DNAH17: variants seen among roughly 807,000 people sequenced by gnomAD.
DNAH17 encodes dynein axonemal heavy chain 17, also known as axonemal beta dynein heavy chain 17.
Under a neutral mutation model 485.6 loss-of-function variants are expected in DNAH17, and 376 were observed. The ratio of observed to expected loss-of-function variants is 0.77; its 90% CI spans 0.71 to 0.84. DNAH17 has a LOEUF of 0.84. Among genes scored for constraint, DNAH17 ranks in the 40% least tolerant of loss-of-function variants. The pLI, the probability that DNAH17 is intolerant of heterozygous loss-of-function variation, is 0.00. For synonymous variants in DNAH17, 3,031 were observed against 2,405.9 expected (o/e 1.26, Z -7.60); for missense variants, 6,370 against 5,839.3 (o/e 1.09, Z -2.96).
chr17:78,543,328 A>G (rs12103927), intron 17 of DNAH17, among the ~76,000 whole-genome samples: 112,739 of 147,950 alleles, frequency 0.76, 43,048 homozygotes, highest in African/African-American at 0.78. Context: ...CTGTCGCCCA[A>G]GCCGGACTGC....
intron 36 of DNAH17, chr17:78,500,066 C>A: frequency 2.1e-6 from 1 of 485,200 alleles, no homozygotes; most frequent in Non-Finnish European, 3.6e-6. Flanking sequence ...GGGTCACCTC[C>A]AGGGCAGGGG....
chr17:78,490,915 G>A, intron 43 of DNAH17, 68 bp from the exon 44 acceptor site: 2 of 1,486,458 alleles, frequency 1.3e-6, no homozygotes. Flanking sequence ...GTTCTGGGGT[G>A]GGGGTTACTC....
intron 44 of DNAH17, among the ~76,000 whole-genome samples, chr17:78,488,542 G>C (rs750485202): frequency 1.3e-5 from 2 of 152,210 alleles, no homozygotes; most frequent in Non-Finnish European, 2.9e-5. Context: ...TCCTGTCCCC[G>C]TGTCTCAGCA....
At chr17:78,569,097 G>A (rs747752191) in intron 9 of DNAH17, 69 bp downstream of exon 9, 15 of 1,227,998 alleles carry the variant, frequency 1.2e-5, no homozygotes, top group Middle Eastern at 1.9e-4. Flanking sequence ...AGGGATGGAC[G>A]CTGCAGGTGT....
chr17:78,478,993 G>A (rs1164210442), intron 51 of DNAH17, 32 bp downstream of exon 51: 2 of 1,594,230 alleles, frequency 1.3e-6, no homozygotes, highest in Non-Finnish European at 1.7e-6. Context: ...GGACCGTAAG[G>A]CAGGCATGAC....
intron 71 of DNAH17, among the ~76,000 whole-genome samples, chr17:78,442,556 A>C (rs1306708128): frequency 6.6e-6 from 1 of 152,216 alleles, no homozygotes; most frequent in African/African-American, 2.4e-5. Flanking sequence ...ATGACTCTAG[A>C]TCACCTTTGC....
At chr17:78,573,368 G>T (rs1367322203) in intron 2 of DNAH17, among the ~76,000 whole-genome samples, 1 of 152,102 alleles carries the variant, frequency 6.6e-6, no homozygotes, top group Non-Finnish European at 1.5e-5. Context: ...GGAGGCCGAG[G>T]CAGGTACATC....
At chr17:78,536,122 G>A (rs555030835) in intron 19 of DNAH17, among the ~76,000 whole-genome samples, 106 of 152,074 alleles carry the variant, frequency 7.0e-4, no homozygotes, top group Non-Finnish European at 1.2e-3. Flanking sequence ...AATTGCCTGA[G>A]TACTGGGAGA....
chr17:78,571,288 CGTT>C lies in DNAH17; in HGVS notation c.820_822del (p.Asn274del). 6.2e-7 allele frequency: 1 copy of C among 1,613,034 alleles called. No individual in the cohort carries two copies. Among genetic ancestry groups the C allele is most frequent in the Non-Finnish European group, 8.5e-7 (1 of 1,179,308 alleles). The stretch of plus-strand genomic sequence containing the variant: ...AGGGTCACAGGCTCACCTTCAGTGA[CGTT>C]GGTGTAAACGTTTTGCAGGGCTGGC... On this transcript the variant is annotated inframe_deletion, in exon 5 of 81. Transcript: ENST00000389840.
rs1568244843 is a variant in DNAH17, at chr17:78,553,295, T to TG, written c.2179-491_2179-490insC. ...CCCAGGTTTTTGTGTTTTTTTTTTT[T>TG]TTTTTTTTTTTTTTTTTTTTTTTTA... On this transcript the variant is annotated intron_variant, in intron 14 of 80. Coordinates refer to ENST00000389840, the MANE Select transcript of DNAH17 (RefSeq NM_173628.4). 1.9e-3 allele frequency among the ~76,000 whole-genome samples: 91 copies of TG among 47,006 alleles called. 1 individual carries two copies. The highest frequency in any genetic ancestry group is 6.8e-3 in the African/African-American group (89 of 13,088). The allele number at this position is 47,006 out of a possible 152,430, so 30.8% of individuals were successfully genotyped here.
Position 78,464,018 on chromosome 17 carries a change from T to C in DNAH17, c.8941-941A>G, listed in dbSNP as rs1048343728. On this transcript the variant is annotated intron_variant, in intron 56 of 80. Coordinates refer to ENST00000389840, the MANE Select transcript of DNAH17 (RefSeq NM_173628.4). ...CCAGTCTCATAAATGAATGCTCTAA[T>C]GGCAAGTAGGCTCTTTTTCCCATCT... is the stretch of plus-strand genomic sequence containing the variant. 2.0e-5 allele frequency among the ~76,000 whole-genome samples: 3 copies of C among 152,190 alleles called. No individual in the cohort carries two copies. In the South Asian group the frequency reaches 6.2e-4, roughly 32 times the overall value.
At chr17:78,480,552 A>C (rs2146621159) in intron 49 of DNAH17, 132 bp downstream of exon 49, 2 of 678,748 alleles carry the variant, frequency 2.9e-6, no homozygotes, top group Non-Finnish European at 4.7e-6. Context: ...CACATTCTGC[A>C]AAGTTAAGGA....
chr17:78,480,817 C>T, intron 48 of DNAH17, 31 bp from the exon 49 acceptor site: 3 of 1,548,432 alleles, frequency 1.9e-6, no homozygotes, highest in Non-Finnish European at 2.7e-6. Context: ...TCATGTTGTG[C>T]CCCTGGCCTG....
chr17:78,473,259 T>C (rs1174632565), intron 54 of DNAH17, among the ~76,000 whole-genome samples: 1 of 152,106 alleles, frequency 6.6e-6, no homozygotes. Context: ...GAAATGACAG[T>C]GATGGCCGGG....
intron 74 of DNAH17, among the ~76,000 whole-genome samples, chr17:78,434,971 C>T (rs1463477023): frequency 6.6e-6 from 1 of 152,194 alleles, no homozygotes; most frequent in Non-Finnish European, 1.5e-5. Context: ...GGGAAGTGTA[C>T]TGGGTGGATC....
At position 78,571,017 on chromosome 17, in the gene DNAH17, G is replaced by A. The variant is rs541514193; in HGVS notation, c.849C>T (p.Asn283=). Reference sequence around the variant, plus strand: ...GGGGCTTCAAATAGAGCACGATGTCGTTGGCTTCCTTCAGCCCTGCACGGA... The same window carrying A: ...GGGGCTTCAAATAGAGCACGATGTCATTGGCTTCCTTCAGCCCTGCACGGA... The part of the protein sequence containing the change: ...TNVTEGLKEA[N]DIVLYLKPLR... Residue 283 remains asparagine (N), a synonymous_variant, in exon 6 of 81, where the codon AAC becomes AAT. Transcript: ENST00000389840. 39 of 1,575,006 alleles carry A rather than the reference G, an allele frequency of 2.5e-5. No individual in the cohort carries two copies. The highest frequency in any genetic ancestry group is 1.3e-4 in the South Asian group (11 of 85,642).
chr17:78,571,672 A>G lies in DNAH17; in HGVS notation c.650T>C (p.Leu217Pro), dbSNP rs751033263. The change falls in exon 4 of 81, where the codon CTG (leucine) becomes CCG (proline). Residue 217 changes from leucine (L) to proline (P), a missense_variant. By Grantham distance (98) the Leu-to-Pro change is moderately conservative (BLOSUM62 -3). Coordinates refer to ENST00000389840, the MANE Select transcript of DNAH17 (RefSeq NM_173628.4). ...TTGGGGCAGGGGGTGCAGCCCATCC[A>G]GCAGCGCCTGGGCTGAGTCTTTGCT... ...VLSKDSAQAL[L>P]DGLHPLPQVE... 8 of 1,614,054 alleles carry G rather than the reference A, an allele frequency of 5.0e-6. No individual in the cohort carries two copies. The highest frequency in any genetic ancestry group is 5.9e-6 in the Non-Finnish European group (7 of 1,179,882).
intron 33 of DNAH17, 58 bp downstream of exon 33, chr17:78,502,533 T>G: frequency 6.7e-7 from 1 of 1,500,172 alleles, no homozygotes; most frequent in Non-Finnish European, 9.0e-7. Context: ...CACGGGCCCA[T>G]GCACCTGCTT....
At chr17:78,496,366 GAA>G (rs35394897) in intron 37 of DNAH17, among the ~76,000 whole-genome samples, 2 of 148,670 alleles carry the variant, frequency 1.3e-5, no homozygotes, top group African/African-American at 5.0e-5. Context: ...TTGGGGGGAA[GAA>G]AAAAAAATAC....
Sources: allele counts gnomAD v4.1 joint callset (sites outside exome capture counted in the v4.1 genomes callset), GRCh38; gene constraint gnomAD v4.1.1; transcripts MANE v1.5; gene names NCBI Gene and HGNC (gene_info 2026-07-23, HGNC 2026-07-21).